Variants in NKAIN3 observed in about 807,000 individuals in gnomAD.
NKAIN3 encodes the protein sodium/potassium transporting ATPase interacting 3.
In NKAIN3, 25 loss-of-function variants were observed where a neutral mutation model predicts 30.2. The observed-to-expected ratio is 0.83, with a 90% CI of 0.60 to 1.16. The LOEUF (loss-of-function observed/expected upper bound fraction) is 1.16. Among genes scored for constraint, NKAIN3 ranks in the 50% most tolerant of loss-of-function variants. The pLI is 0.00. For missense variants in NKAIN3, 225 were observed against 254.1 expected, an observed-to-expected ratio of 0.89 and a Z score of 0.78; for synonymous variants, 91 against 89.6, an observed-to-expected ratio of 1.02 and a Z score of -0.09.
At chr8:62,724,379 G>T (rs1415192453) in intron 3 of NKAIN3, among the ~76,000 whole-genome samples, 1 of 151,890 alleles carries the variant, frequency 6.6e-6, no homozygotes, top group South Asian at 2.1e-4. Context: ...TCTTTGCTTT[G>T]TGTTATCATC....
chr8:62,793,498 C>G (rs1563564197), intron 4 of NKAIN3, among the ~76,000 whole-genome samples: 1 of 151,900 alleles, frequency 6.6e-6, no homozygotes, highest in Non-Finnish European at 1.5e-5. Context: ...TTCAGCTAAT[C>G]TTTTTTTTAC....
intron 4 of NKAIN3, among the ~76,000 whole-genome samples, chr8:62,765,450 T>G (rs1474668966): frequency 6.6e-6 from 1 of 152,086 alleles, no homozygotes; most frequent in Non-Finnish European, 1.5e-5. Context: ...GGAAAGGACC[T>G]GCCTAAGCAG....
chr8:62,991,933 A>G (rs956431693), intron 5 of NKAIN3, among the ~76,000 whole-genome samples: 2 of 150,454 alleles, frequency 1.3e-5, no homozygotes, highest in African/African-American at 5.0e-5. Flanking sequence ...AGGAATCAGT[A>G]GCTGGAGTTG....
intron 1 of NKAIN3, chr8:62,474,064 C>G (rs1474058339): frequency 6.6e-6 from 1 of 152,108 alleles, no homozygotes; most frequent in East Asian, 1.9e-4. Flanking sequence ...CCTGGCATTT[C>G]CAACCTAATG....
intron 6 of NKAIN3, among the ~76,000 whole-genome samples, chr8:62,964,537 A>AGAGAGAGTGT (rs1386858813): frequency 3.0e-5 from 4 of 133,132 alleles, no homozygotes; most frequent in Non-Finnish European, 3.2e-5. Flanking sequence ...AGAGAGAGAG[A>AGAGAGAGTGT]GTGTGTGTGT....
At chr8:62,860,683 C>T (rs545109941) in intron 4 of NKAIN3, among the ~76,000 whole-genome samples, 44 of 152,296 alleles carry the variant, frequency 2.9e-4, no homozygotes, top group African/African-American at 9.4e-4. Flanking sequence ...TGTCCATATG[C>T]AATGCTGTCA....
intron 1 of NKAIN3, among the ~76,000 whole-genome samples, chr8:62,374,313 T>C (rs1383918518): frequency 1.3e-5 from 2 of 152,146 alleles, no homozygotes; most frequent in Non-Finnish European, 2.9e-5. Context: ...TTTTCTTTAC[T>C]AGACCATAGT....
intron 1 of NKAIN3, among the ~76,000 whole-genome samples, chr8:62,500,421 AAAGGAAAGAAAG>A (rs1563427224): frequency 3.1e-5 from 4 of 130,160 alleles, no homozygotes; most frequent in Non-Finnish European, 4.8e-5. Context: ...AAGAAGGAAG[AAAGGAAAGAAAG>A]AAAGAAAGAA....
At chr8:62,949,622 T>A (rs6472062) in intron 5 of NKAIN3, among the ~76,000 whole-genome samples, 25,774 of 152,106 alleles carry the variant, frequency 0.17, 2,636 homozygotes, top group East Asian at 0.37. Context: ...CTCCAGGGGA[T>A]CTTTGATGGT....
chr8:62,501,869 A>G (rs143102318), intron 1 of NKAIN3, among the ~76,000 whole-genome samples: 1 of 152,218 alleles, frequency 6.6e-6, no homozygotes, highest in Non-Finnish European at 1.5e-5. Flanking sequence ...TTTACTAACA[A>G]TATACCTATG....
chr8:62,785,999 G>T (rs1351978871), intron 4 of NKAIN3, among the ~76,000 whole-genome samples: 2 of 152,008 alleles, frequency 1.3e-5, no homozygotes, highest in Non-Finnish European at 2.9e-5. Flanking sequence ...GGAAATAAGT[G>T]TCAGAGAGCA....
intron 1 of NKAIN3, among the ~76,000 whole-genome samples, chr8:62,326,077 T>C (rs1815113704): frequency 6.6e-6 from 1 of 151,936 alleles, no homozygotes; most frequent in African/African-American, 2.4e-5. Context: ...TTTTGCTATA[T>C]TTATTTTTGT....
intron 5 of NKAIN3, among the ~76,000 whole-genome samples, chr8:62,930,908 C>T (rs1178033027): frequency 6.6e-6 from 1 of 151,998 alleles, no homozygotes; most frequent in Admixed American, 6.6e-5. Flanking sequence ...GGGGTTTCAC[C>T]ATGTTAGCCA....
chr8:62,401,099 TGCATGCATGCATTATTC>T (rs1803854094), intron 1 of NKAIN3, among the ~76,000 whole-genome samples: 1 of 151,498 alleles, frequency 6.6e-6, no homozygotes, highest in Non-Finnish European at 1.5e-5. Context: ...TTCCAGATCT[TGCATGCATGCATTATTC>T]TCATTTATTC....
At chr8:62,469,932 C>A (rs1008945273) in intron 1 of NKAIN3, among the ~76,000 whole-genome samples, 1 of 152,224 alleles carries the variant, frequency 6.6e-6, no homozygotes, top group Non-Finnish European at 1.5e-5. Context: ...TAAACTACAA[C>A]AAAGTGTCTT....
At chr8:62,521,999 G>A (rs1489969381) in intron 1 of NKAIN3, among the ~76,000 whole-genome samples, 2 of 152,186 alleles carry the variant, frequency 1.3e-5, no homozygotes, top group East Asian at 1.9e-4. Context: ...GACAGTGGTG[G>A]CAATGTCAGC....
At chr8:62,482,695 T>C (rs973278405) in intron 1 of NKAIN3, 3 of 152,282 alleles carry the variant, frequency 2.0e-5, no homozygotes, top group African/African-American at 7.2e-5. Flanking sequence ...ACAGTGGCCC[T>C]GGTTGGCAGG....
intron 4 of NKAIN3, among the ~76,000 whole-genome samples, chr8:62,832,194 T>G (rs1819216647): frequency 6.6e-6 from 1 of 151,304 alleles, no homozygotes; most frequent in Non-Finnish European, 1.5e-5. Flanking sequence ...TTACCAGCAT[T>G]ATAGGAAATC....
intron 4 of NKAIN3, among the ~76,000 whole-genome samples, chr8:62,817,173 T>C (rs1818710692): frequency 6.6e-6 from 1 of 152,176 alleles, no homozygotes; most frequent in Non-Finnish European, 1.5e-5. Context: ...ATCTATTTGT[T>C]GTTTTGATCT....
Sources: gnomAD v4.1 joint callset for allele counts (sites outside exome capture counted in the v4.1 genomes callset) on GRCh38, gnomAD v4.1.1 for gene constraint, MANE v1.5 for transcripts, NCBI Gene and HGNC (gene_info 2026-07-23, HGNC 2026-07-21) for gene names.